Variants in YLPM1 observed in about 807,000 individuals in gnomAD.
YLPM1 encodes YLP motif containing 1.
Under a neutral mutation model 230.0 loss-of-function variants are expected in YLPM1, and 99 were observed. That is an observed-to-expected ratio of 0.43 (90% CI 0.37 to 0.51). The LOEUF is 0.51. YLPM1 is among the 20% of genes least tolerant of loss of function. The pLI is 0.00. For missense variants in YLPM1, 2,592 were observed against 2,707.7 expected, an observed-to-expected ratio of 0.96 and a Z score of 0.95; for synonymous variants, 984 against 942.5, an observed-to-expected ratio of 1.04 and a Z score of -0.81.
Position 74,829,282 on chromosome 14 carries a change from A to G in YLPM1, c.6233A>G (p.Glu2078Gly). Residue 2078 changes from glutamate to glycine, a missense_variant, in exon 19 of 21, where the codon GAG becomes GGG. This residue lies in a region of YLPM1 where 315 missense variants were observed against 429.3 expected (regional missense o/e 0.73). Coordinates refer to ENST00000325680, the MANE Select transcript of YLPM1 (RefSeq NM_019589.3). ...TGGGAGGCCATTGCCAGCAGAATGG[A>G]GGATTATCTTCAGCTCCCCGATGAT... The part of the protein sequence containing the change: ...RDWEAIASRM[E>G]DYLQLPDDYD... 6.2e-7 allele frequency: 1 copy of G among 1,613,302 alleles called. No individual in the cohort carries two copies. The highest frequency in any genetic ancestry group is 8.5e-7 in the Non-Finnish European group (1 of 1,179,428).
At chr14:74,803,670 T>C (rs1043046556) in intron 6 of YLPM1, among the ~76,000 whole-genome samples, 2 of 152,134 alleles carry the variant, frequency 1.3e-5, no homozygotes, top group Non-Finnish European at 2.9e-5. Context: ...CCCCATTAAA[T>C]TGTCTTTTTT....
intron 4 of YLPM1, among the ~76,000 whole-genome samples, chr14:74,786,294 G>A (rs1359181471): frequency 2.0e-5 from 3 of 150,652 alleles, no homozygotes; most frequent in Non-Finnish European, 3.0e-5. Context: ...CCCGGGAGGC[G>A]GAGGTTGCAG....
intron 19 of YLPM1, among the ~76,000 whole-genome samples, chr14:74,832,123 T>C (rs1353766559): frequency 6.6e-6 from 1 of 152,214 alleles, no homozygotes; most frequent in Non-Finnish European, 1.5e-5. Context: ...TTTTCTGTAT[T>C]ATAACAAATT....
chr14:74,822,381 G>C (rs1566765707), intron 17 of YLPM1, among the ~76,000 whole-genome samples: 1 of 151,804 alleles, frequency 6.6e-6, no homozygotes, highest in Non-Finnish European at 1.5e-5. Context: ...TTAGGTGTAG[G>C]TCAAAACTTG....
Position 74,835,387 on chromosome 14 carries a change from C to G in YLPM1, c.6417C>G (p.Ala2139=). The change falls in exon 20 of 21, where the codon GCC becomes GCG. Residue 2139 remains alanine (A), a synonymous_variant. Transcript: ENST00000325680. ...TDESGHLAEK[A]LNRTKYI ...AAAGTGGTCACCTGGCTGAAAAAGC[C>G]CTCAATCGAACCAAATATATATGAG... The G allele has an allele frequency of 6.2e-7, 1 of 1,613,570 alleles. No homozygotes were observed. Among genetic ancestry groups the G allele is most frequent in the Non-Finnish European group, 8.5e-7 (1 of 1,179,652 alleles).
chr14:74,829,301 C>T lies in YLPM1; in HGVS notation c.6252C>T (p.Pro2084=), dbSNP rs756904886. The change falls in exon 19 of 21, where the codon CCC becomes CCT. Residue 2084 remains proline, a synonymous_variant. Transcript: ENST00000325680. The part of the protein sequence containing the change: ...ASRMEDYLQL[P]DDYDTRASEP... ...GAATGGAGGATTATCTTCAGCTCCC[C>T]GATGATTATGATACTCGTGCTTCTG... 71 of 1,613,134 alleles carry T rather than the reference C, an allele frequency of 4.4e-5. No individual in the cohort carries two copies. The South Asian group carries it at 5.6e-4, about 13-fold the overall frequency.
intron 4 of YLPM1, among the ~76,000 whole-genome samples, chr14:74,787,096 T>A (rs1177599441): frequency 6.6e-6 from 1 of 152,230 alleles, no homozygotes; most frequent in African/African-American, 2.4e-5. Flanking sequence ...AATTTGTATT[T>A]CCTCTTTTAT....
intron 15 of YLPM1, among the ~76,000 whole-genome samples, chr14:74,817,589 A>C (rs1192091584): frequency 6.6e-6 from 1 of 152,134 alleles, no homozygotes; most frequent in Non-Finnish European, 1.5e-5. Flanking sequence ...ATTCCTCATA[A>C]TATATGCCCA....
intron 20 of YLPM1, 42 bp from the exon 21 acceptor site, chr14:74,835,733 C>T: frequency 2.4e-6 from 1 of 414,414 alleles, no homozygotes; most frequent in Non-Finnish European, 4.6e-6. Flanking sequence ...GAACTTTTTG[C>T]CTGTTCTTTC....
chr14:74,778,565 A>G lies in YLPM1; in HGVS notation c.992A>G (p.Lys331Arg). The G allele has an allele frequency of 3.1e-6, 5 of 1,604,870 alleles. No individual in the cohort carries two copies. Among genetic ancestry groups the G allele is most frequent in the Non-Finnish European group, 4.3e-6 (5 of 1,176,318 alleles). ...GCAAAGGATACACCAGAGCCGGTAA[A>G]AGAAGAAGTTACAGTACCTGCCACC... ...VVAKDTPEPV[K>R]EEVTVPATSQ... is the part of the protein sequence containing the mutation. Residue 331 changes from lysine (K) to arginine (R), a missense_variant, in exon 2 of 21, where the codon AAA (lysine) becomes AGA (arginine). Lys to Arg is a conservative substitution (Grantham distance 26). Transcript: ENST00000325680.
At chr14:74,810,884 C>T (rs933876892) in intron 9 of YLPM1, among the ~76,000 whole-genome samples, 1 of 152,140 alleles carries the variant, frequency 6.6e-6, no homozygotes, top group Non-Finnish European at 1.5e-5. Flanking sequence ...AATGCAGTGG[C>T]GCAGTCTCAG....
At position 74,812,635 on chromosome 14, in the gene YLPM1, AAGGACTTATCCTG is replaced by A; in HGVS notation, c.5360_5372del (p.Thr1787SerfsTer10). 6.2e-7 allele frequency: 1 copy of A among 1,611,294 alleles called. No homozygotes were observed. ...CAACTGCTGGAATCCTAGGAGAACG[AAGGACTTATCCTG>A]AGGAGCGAATGCCTCTGCCAGCTCC... On this transcript the variant is annotated frameshift_variant, in exon 11 of 21. Transcript: ENST00000325680. LOFTEE classifies it high-confidence loss of function.
At chr14:74,827,421 T>C (rs990099579) in intron 18 of YLPM1, 27 of 985,312 alleles carry the variant, frequency 2.7e-5, no homozygotes, top group African/African-American at 3.5e-5. Context: ...AGAAGGAAAC[T>C]TTAAACATAT....
In YLPM1 at chr14:74,763,954, G is replaced by A. The variant is rs2090879393; in HGVS notation, c.465G>A (p.Gly155=). ...SPPESPPVPP[G]SYMPPSQSYM... is the part of the protein sequence containing the mutation. ...CTGAATCTCCCCCTGTGCCGCCTGG[G>A]TCCTATATGCCCCCATCTCAGTCTT... Residue 155 remains glycine, a synonymous_variant, in exon 1 of 21, where the codon GGG becomes GGA. Coordinates refer to ENST00000325680, the MANE Select transcript of YLPM1 (RefSeq NM_019589.3). 3 of 1,477,218 alleles carry A rather than the reference G, an allele frequency of 2.0e-6. No homozygotes were observed. Among genetic ancestry groups the A allele is most frequent in the Non-Finnish European group, 2.7e-6 (3 of 1,118,608 alleles). The allele number at this position is 1,477,218 out of a possible 1,614,324, so 91.5% of individuals were successfully genotyped here.
intron 6 of YLPM1, among the ~76,000 whole-genome samples, chr14:74,803,896 A>G (rs1332624477): frequency 2.6e-5 from 4 of 152,092 alleles, no homozygotes. Flanking sequence ...GGTGGCTCAC[A>G]CCTGTAATCC....
At chr14:74,795,785 A>G (rs949475082) in intron 4 of YLPM1, among the ~76,000 whole-genome samples, 3 of 152,220 alleles carry the variant, frequency 2.0e-5, no homozygotes, top group African/African-American at 7.2e-5. Flanking sequence ...AAACTCCTTA[A>G]CCAGCTGAAT....
At chr14:74,764,402 G>A in intron 1 of YLPM1, 40 bp downstream of exon 1, 2 of 1,540,612 alleles carry the variant, frequency 1.3e-6, no homozygotes, top group South Asian at 2.5e-5. Context: ...TTCACCTAGA[G>A]GGCCCTGAAT....
chr14:74,804,875 T>C (rs1377365060), intron 6 of YLPM1, among the ~76,000 whole-genome samples: 1 of 152,254 alleles, frequency 6.6e-6, no homozygotes, highest in Non-Finnish European at 1.5e-5. Flanking sequence ...TGTTATATGC[T>C]ATATTATTTT....
chr14:74,788,410 G>A (rs1021557408), intron 4 of YLPM1, among the ~76,000 whole-genome samples: 7 of 152,316 alleles, frequency 4.6e-5, no homozygotes, highest in South Asian at 2.1e-4. Context: ...GTGAGCCACC[G>A]CGCCTGGCCT....
Sources: allele counts gnomAD v4.1 joint callset (sites outside exome capture counted in the v4.1 genomes callset), GRCh38; gene constraint gnomAD v4.1.1; regional missense constraint gnomAD v4.1.1; transcripts MANE v1.5; gene names NCBI Gene and HGNC (gene_info 2026-07-23, HGNC 2026-07-21).